XRN1: variants seen among roughly 807,000 people sequenced by gnomAD.
XRN1 encodes strand-exchange protein 1 homolog.
In XRN1, 67 loss-of-function variants were observed where a neutral mutation model predicts 222.3. That is an observed-to-expected ratio of 0.30 (90% CI 0.25 to 0.37). The LOEUF is 0.37. Ranked by LOEUF, XRN1 falls within the 10% of genes least tolerant of loss-of-function variation. The pLI is 1.00. For synonymous variants in XRN1, 643 were observed against 652.4 expected, an observed-to-expected ratio of 0.99 and a Z score of 0.22; for missense variants, 1,707 against 2,000.2, an observed-to-expected ratio of 0.85 and a Z score of 2.80.
intron 22 of XRN1, among the ~76,000 whole-genome samples, chr3:142,382,458 T>C (rs921946833): frequency 2.7e-4 from 41 of 152,186 alleles, no homozygotes; most frequent in Non-Finnish European, 4.1e-4. Context: ...CTGAATTTAA[T>C]TATTTTGTCA....
At chr3:142,331,131 G>GC (rs746451187) in intron 36 of XRN1, among the ~76,000 whole-genome samples, 71 of 152,106 alleles carry the variant, frequency 4.7e-4, no homozygotes, top group Non-Finnish European at 6.3e-4. Flanking sequence ...TCCAGGTTTT[G>GC]ATCTTTAATA....
At chr3:142,404,759 G>A in intron 16 of XRN1, 148 bp downstream of exon 16, 2 of 706,332 alleles carry the variant, frequency 2.8e-6, no homozygotes. Context: ...CAAGTTAGAT[G>A]TAACTCATTG....
chr3:142,434,038 G>A (rs2069751125), intron 1 of XRN1, among the ~76,000 whole-genome samples: 1 of 152,236 alleles, frequency 6.6e-6, no homozygotes, highest in Non-Finnish European at 1.5e-5. Flanking sequence ...AATGACAGTT[G>A]TAACCATGAG....
At chr3:142,432,285 T>G (rs1443593411) in intron 2 of XRN1, among the ~76,000 whole-genome samples, 3 of 133,826 alleles carry the variant, frequency 2.2e-5, no homozygotes, top group African/African-American at 9.9e-5. Flanking sequence ...CTGGGTCCGG[T>G]GGCGCTTGGC....
At chr3:142,355,325 C>A in intron 32 of XRN1, 76 bp downstream of exon 32, 3 of 725,598 alleles carry the variant, frequency 4.1e-6, no homozygotes, top group Admixed American at 3.7e-5. Flanking sequence ...GAAAAATAAT[C>A]ATTGTAGTCT....
intron 37 of XRN1, among the ~76,000 whole-genome samples, chr3:142,322,037 C>T (rs542988153): frequency 3.9e-5 from 6 of 152,180 alleles, no homozygotes; most frequent in African/African-American, 1.4e-4. Context: ...GCATCTTTGC[C>T]TTGGCCCTGA....
rs139608565 is a variant in XRN1 at position 142,405,923 on chromosome 3, C to A, written c.1714-847G>T. On this transcript the variant is annotated intron_variant, in intron 15 of 40. Transcript: ENST00000392981. The stretch of plus-strand genomic sequence containing the variant: ...TTATTTAAGGAAGACAGAAAAAAAA[C>A]GAACAGCCTTAAGGGGAAAGACATT... Among the ~76,000 whole-genome samples the A allele has an allele frequency of 1.2e-3, 183 of 151,612 alleles. 1 individual carries two copies. The highest frequency in any genetic ancestry group is 1.9e-3 in the Non-Finnish European group (126 of 67,844).
At chr3:142,321,364 G>A (rs1031991698) in intron 37 of XRN1, among the ~76,000 whole-genome samples, 1 of 152,006 alleles carries the variant, frequency 6.6e-6, no homozygotes, top group East Asian at 1.9e-4. Context: ...CAAGCGATCC[G>A]CCTGCCTCGG....
intron 34 of XRN1, 126 bp from the exon 35 acceptor site, chr3:142,333,215 TG>T (rs1437638707): frequency 3.6e-6 from 4 of 1,116,326 alleles, no homozygotes; most frequent in African/African-American, 1.6e-5. Context: ...TGTTAAAGTT[TG>T]GGAAGAGAAT....
At chr3:142,439,776 T>A (rs2070111941) in intron 1 of XRN1, among the ~76,000 whole-genome samples, 1 of 150,566 alleles carries the variant, frequency 6.6e-6, no homozygotes, top group African/African-American at 2.4e-5. Context: ...ACCGCTTTAG[T>A]CATGGCCCTT....
intron 15 of XRN1, among the ~76,000 whole-genome samples, chr3:142,409,230 T>C (rs772389380): frequency 2.0e-5 from 3 of 152,240 alleles, no homozygotes; most frequent in Non-Finnish European, 4.4e-5. Flanking sequence ...TCTTTCCCTT[T>C]ATGGTTAGTG....
At chr3:142,391,850 T>A (rs1025612726) in intron 20 of XRN1, among the ~76,000 whole-genome samples, 2 of 151,402 alleles carry the variant, frequency 1.3e-5, no homozygotes, top group Non-Finnish European at 2.9e-5. Context: ...CATAATCTGA[T>A]CTATAACTTT....
At chr3:142,421,979 A>C (rs1373514533) in intron 8 of XRN1, among the ~76,000 whole-genome samples, 1 of 152,220 alleles carries the variant, frequency 6.6e-6, no homozygotes, top group Non-Finnish European at 1.5e-5. Flanking sequence ...CATTCGAAAA[A>C]AATTGAATTT....
Position 142,400,467 on chromosome 3 carries a change from C to T in XRN1, c.2184G>A (p.Val728=), listed in dbSNP as rs1398558652. ...NWPHLEEARV[V]AVSDGETKFY... Reference sequence around the variant, plus strand: ...ACTTAGTTTCTCCATCTGATACAGCCACGACTCTAGCTTCCTCAAGGTGAG... The same window carrying T: ...ACTTAGTTTCTCCATCTGATACAGCTACGACTCTAGCTTCCTCAAGGTGAG... The change falls in exon 19 of 41, where the codon GTG becomes GTA. Residue 728 remains valine, a synonymous_variant. Coordinates refer to ENST00000392981, the MANE Select transcript of XRN1 (RefSeq NM_001282857.2). The T allele has an allele frequency of 1.9e-6, 3 of 1,611,348 alleles. No individual in the cohort carries two copies. Among genetic ancestry groups the T allele is most frequent in the Admixed American group, 1.7e-5 (1 of 59,770 alleles).
chr3:142,317,049 T>C (rs574680263), intron 39 of XRN1, among the ~76,000 whole-genome samples: 55 of 152,346 alleles, frequency 3.6e-4, no homozygotes, highest in Middle Eastern at 6.8e-3. Context: ...CAATGCTTTC[T>C]GGCTTCTAGG....
intron 27 of XRN1, among the ~76,000 whole-genome samples, chr3:142,368,747 G>A (rs1012177911): frequency 1.3e-5 from 2 of 152,154 alleles, no homozygotes; most frequent in Admixed American, 1.3e-4. Flanking sequence ...TCTTGGCTCT[G>A]AGCCTTATAT....
chr3:142,391,749 A>T (rs9823734), intron 20 of XRN1, among the ~76,000 whole-genome samples: 3,350 of 103,154 alleles, frequency 0.032, 125 homozygotes, highest in African/African-American at 0.095. Context: ...AAAAAAAAAA[A>T]ATATATATAT....
chr3:142,448,007 C>A lies in XRN1; in HGVS notation c.-63G>T. ...GAAACCAAACGCCCCGCCGGGGCTC[C>A]GCCGCAGCCTCCGGTCGTCGCTCCG... On this transcript the variant is annotated 5_prime_UTR_variant, in exon 1 of 41. Transcript: ENST00000392981. The A allele has an allele frequency of 6.4e-7, 1 of 1,551,382 alleles. No homozygotes were observed. Among genetic ancestry groups the A allele is most frequent in the Non-Finnish European group, 8.9e-7 (1 of 1,128,472 alleles).
rs746788564 is a variant in XRN1 at position 142,333,121 on chromosome 3, G to A, written c.3940-32C>T. The A allele has an allele frequency of 1.3e-5, 21 of 1,604,246 alleles. No individual in the cohort carries two copies. The South Asian group carries it at 2.4e-4, about 18-fold the overall frequency. On this transcript the variant is annotated intron_variant, in intron 34 of 40. Transcript: ENST00000392981. ...GAATAAATATTTTGGGCATGAAGAT[G>A]AACGTATAATACAAGAACACACAAA...
Sources: allele counts gnomAD v4.1 joint callset (sites outside exome capture counted in the v4.1 genomes callset), GRCh38; gene constraint gnomAD v4.1.1; transcripts MANE v1.5; gene names NCBI Gene and HGNC (gene_info 2026-07-23, HGNC 2026-07-21).